ITGAE: variants seen among roughly 807,000 people sequenced by gnomAD.
ITGAE encodes the protein integrin alpha-E.
A neutral mutation model predicts 136.5 loss-of-function variants in ITGAE; 99 were observed. That is an observed-to-expected ratio of 0.73 (90% confidence interval 0.62 to 0.86). The LOEUF (loss-of-function observed/expected upper bound fraction) is 0.86. Ranked by LOEUF, ITGAE falls within the 40% of genes least tolerant of loss-of-function variation. ITGAE has a pLI of 0.00. For synonymous variants in ITGAE, 613 were observed against 591.8 expected, an observed-to-expected ratio of 1.04 and a Z score of -0.52; for missense variants, 1,447 against 1,515.3, an observed-to-expected ratio of 0.95 and a Z score of 0.75.
chr17:3,758,263 A>G (rs1322222821), intron 8 of ITGAE, among the ~76,000 whole-genome samples: 1 of 152,124 alleles, frequency 6.6e-6, no homozygotes, highest in Non-Finnish European at 1.5e-5. Flanking sequence ...TTTCTTTTTT[A>G]GAGACGGCGT....
At position 3,799,430 on chromosome 17, in the gene ITGAE, C is replaced by G. The variant is rs544331982; in HGVS notation, c.34+1681G>C. Among the ~76,000 whole-genome samples the G allele has an allele frequency of 6.6e-6, 1 of 152,088 alleles. No homozygotes were observed. Among genetic ancestry groups the G allele is most frequent in the Non-Finnish European group, 1.5e-5 (1 of 68,008 alleles). The stretch of plus-strand genomic sequence containing the variant: ...GCCTAGGCCTCAAAAGAGGTTTGAT[C>G]GATGCCACCTGCTGGAAAAGGCACT... On this transcript the variant is annotated intron_variant, in intron 1 of 30. Transcript: ENST00000263087. The surrounding 1 kb of genome is among the most constrained non-coding windows in gnomAD (Gnocchi z 4.1).
At position 3,716,969 on chromosome 17, in the gene ITGAE, T is replaced by C. The variant is rs558173024; in HGVS notation, c.3334-171A>G. 1.1e-5 allele frequency: 6 copies of C among 567,612 alleles called. No homozygotes were observed. The South Asian group carries it at 1.3e-4, about 12-fold the overall frequency. The allele number at this position is 567,612 out of a possible 1,614,324, so 35.2% of individuals were successfully genotyped here. A position where few individuals can be genotyped will look rare whatever the true frequency, so the allele number is the denominator to read the frequency against. ...ATATTCCCTGATGCAGCATTTTAGA[T>C]CATCTAAAACTATCCAATCACCCAA... On this transcript the variant is annotated intron_variant, in intron 29 of 30. Coordinates refer to ENST00000263087, the MANE Select transcript of ITGAE (RefSeq NM_002208.5).
intron 1 of ITGAE, among the ~76,000 whole-genome samples, chr17:3,786,602 CATAA>C (rs1448970221): frequency 6.6e-6 from 1 of 151,986 alleles, no homozygotes; most frequent in East Asian, 1.9e-4. Context: ...TTATAAAAAG[CATAA>C]TACGGCCGGG....
chr17:3,785,883 AG>A (rs1459501896), intron 1 of ITGAE, among the ~76,000 whole-genome samples: 1 of 151,732 alleles, frequency 6.6e-6, no homozygotes, highest in Non-Finnish European at 1.5e-5. Flanking sequence ...TAAAAAATAG[AG>A]GGGCCAGGCG....
chr17:3,724,576 G>T (rs545708847), intron 26 of ITGAE: 2 of 1,614,040 alleles, frequency 1.2e-6, no homozygotes, highest in Non-Finnish European at 8.5e-7. Context: ...TCCCTGGACC[G>T]AGCATCTCTC....
intron 2 of ITGAE, among the ~76,000 whole-genome samples, chr17:3,772,377 T>G (rs963422853): frequency 4.6e-5 from 7 of 151,836 alleles, no homozygotes; most frequent in Admixed American, 4.6e-4. Context: ...TGGCACTGAG[T>G]AAGTGCTCCA....
chr17:3,728,368 CTTTTTTTTTT>C (rs569101162), intron 24 of ITGAE, 200 bp from the exon 25 acceptor site: 13 of 191,608 alleles, frequency 6.8e-5, no homozygotes, highest in East Asian at 4.4e-4. Context: ...ACACTCATCC[CTTTTTTTTTT>C]TTTTTTTTTT....
chr17:3,748,167 G>A (rs2051766203), intron 16 of ITGAE, 115 bp from the exon 17 acceptor site: 1 of 1,058,320 alleles, frequency 9.4e-7, no homozygotes, highest in Non-Finnish European at 1.3e-6. Context: ...ACATCCAGGT[G>A]ATCCCTGAGT....
At chr17:3,762,958 T>C (rs2052211143) in intron 3 of ITGAE, among the ~76,000 whole-genome samples, 1 of 151,776 alleles carries the variant, frequency 6.6e-6, no homozygotes, top group Admixed American at 6.6e-5. Context: ...AGTGGTGCAA[T>C]GTCAGCTCAC....
At chr17:3,779,599 G>A (rs1465416295) in intron 1 of ITGAE, among the ~76,000 whole-genome samples, 2 of 152,158 alleles carry the variant, frequency 1.3e-5, no homozygotes, top group African/African-American at 4.8e-5. Context: ...AAAGTGCTGG[G>A]ATTACAGGTG....
rs768848654 is a variant in ITGAE, at chr17:3,763,950, T to C, written c.166A>G (p.Thr56Ala). Reference sequence around the variant, plus strand: ...GGTGTCCTCTTGGTTCTGGGGCTGGTGACCAGGAGCCTGAGTGGGAGGGGA... The same window carrying C: ...GGTGTCCTCTTGGTTCTGGGGCTGGCGACCAGGAGCCTGAGTGGGAGGGGA... ...PSTNQTWLLV[T>A]SPRTKRTPGP... Residue 56 changes from threonine (T) to alanine (A), a missense_variant, in exon 3 of 31, where the codon ACC (threonine) becomes GCC (alanine). Thr to Ala is a moderately conservative substitution (Grantham distance 58). Transcript: ENST00000263087. 9 of 1,612,430 alleles carry C rather than the reference T, an allele frequency of 5.6e-6. No homozygotes were observed. The Admixed American group carries it at 1.0e-4, about 18-fold the overall frequency.
chr17:3,723,809 C>CGGCCCA (rs1345472789), intron 26 of ITGAE, 65 bp from the exon 27 acceptor site: 2 of 1,581,476 alleles, frequency 1.3e-6, no homozygotes, highest in African/African-American at 2.7e-5. Flanking sequence ...CGTCCCGTCC[C>CGGCCCA]GGCCCCGGCC....
intron 1 of ITGAE, among the ~76,000 whole-genome samples, chr17:3,790,614 A>T (rs1597372078): frequency 6.6e-6 from 1 of 152,136 alleles, no homozygotes; most frequent in Admixed American, 6.6e-5. Context: ...CAGAACTGAA[A>T]CCTGACGTTA....
intron 19 of ITGAE, among the ~76,000 whole-genome samples, chr17:3,741,810 C>T (rs1292828556): frequency 1.3e-5 from 2 of 152,204 alleles, no homozygotes; most frequent in Non-Finnish European, 2.9e-5. Flanking sequence ...GGCATGGTGG[C>T]TCACGTCTGT....
intron 14 of ITGAE, 139 bp from the exon 15 acceptor site, chr17:3,752,013 T>G: frequency 1.4e-6 from 1 of 726,966 alleles, no homozygotes. Flanking sequence ...GGCCGGTGGG[T>G]TCCCACTCCA....
At chr17:3,787,394 G>A (rs913351925) in intron 1 of ITGAE, among the ~76,000 whole-genome samples, 1 of 152,120 alleles carries the variant, frequency 6.6e-6, no homozygotes, top group Non-Finnish European at 1.5e-5. Context: ...TTACAGGCAT[G>A]AGCCACCATG....
At position 3,724,378 on chromosome 17, in the gene ITGAE, C is replaced by G. The variant is rs372970730; in HGVS notation, c.3085-634G>C. ...AGCCGCGACTCCGGCCGCCTCAGCC[C>G]GGACCTCAGCGTGTGCGGCCAGCCC... On this transcript the variant is annotated intron_variant, in intron 26 of 30. Coordinates refer to ENST00000263087, the MANE Select transcript of ITGAE (RefSeq NM_002208.5). The G allele has an allele frequency of 1.5e-5, 24 of 1,608,262 alleles. No individual in the cohort carries two copies. In the East Asian group the frequency reaches 2.2e-4, roughly 15 times the overall value.
intron 1 of ITGAE, among the ~76,000 whole-genome samples, chr17:3,796,304 C>G (rs937099364): frequency 1.3e-5 from 2 of 152,234 alleles, no homozygotes; most frequent in African/African-American, 4.8e-5. Flanking sequence ...CCAGGCCCAA[C>G]AGTTTGCCTT....
At chr17:3,785,503 GA>G (rs1370723356) in intron 1 of ITGAE, among the ~76,000 whole-genome samples, 289 of 90,314 alleles carry the variant, frequency 3.2e-3, no homozygotes, top group Middle Eastern at 5.1e-3. Flanking sequence ...AAGGAGGAAG[GA>G]AGGAAGGAAG....
Sources: gnomAD v4.1 joint callset for allele counts (sites outside exome capture counted in the v4.1 genomes callset) on GRCh38, gnomAD v4.1.1 for gene constraint, Gnocchi (gnomAD v3.1) non-coding constraint, MANE v1.5 for transcripts, NCBI Gene and HGNC (gene_info 2026-07-23, HGNC 2026-07-21) for gene names.